The following GATAD1 variants were observed in gnomAD, a reference collection of about 807,000 sequenced individuals.
GATAD1 encodes the protein GATA zinc finger domain-containing protein 1.
In GATAD1, 12 loss-of-function variants were observed where a neutral mutation model predicts 26.5. The observed-to-expected ratio is 0.45, with a 90% confidence interval of 0.29 to 0.73. The LOEUF is 0.73. Among genes scored for constraint, GATAD1 ranks in the 30% least tolerant of loss-of-function variants. GATAD1 has a pLI of 0.10. For synonymous variants in GATAD1, 129 were observed against 133.1 expected (o/e 0.97, Z 0.21); for missense variants, 266 against 342.1 (o/e 0.78, Z 1.75).
chr7:92,474,456 C>G, the GATAD1 span: 1 of 152,234 alleles, frequency 6.6e-6, no homozygotes, highest in Admixed American at 6.5e-5. Flanking sequence ...TCATAGACTT[C>G]TTCCTAGTTT....
chr7:92,486,506 C>T, the GATAD1 span, among the ~76,000 whole-genome samples: 29 of 152,268 alleles, frequency 1.9e-4, no homozygotes, highest in Admixed American at 5.9e-4. Context: ...TGCAGGGTGA[C>T]GTGTCTCAGT....
At chr7:92,460,590 G>T (rs181131040), downstream of GATAD1, among the ~76,000 whole-genome samples, 2 of 152,204 alleles carry the variant, frequency 1.3e-5, no homozygotes, top group East Asian at 3.9e-4. Context: ...GCAGAATGTA[G>T]AACTGTATGA....
the GATAD1 span, among the ~76,000 whole-genome samples, chr7:92,476,434 G>A: frequency 1.1e-4 from 16 of 152,104 alleles, no homozygotes; most frequent in African/African-American, 3.1e-4. Flanking sequence ...CAGTGCTTTC[G>A]GCCTATGCTC....
rs1789821054 is a variant in GATAD1, at chr7:92,459,202, G to A, written c.*2640G>A. The A allele has an allele frequency of 7.4e-6, 1 of 135,952 alleles. No homozygotes were observed. The highest frequency in any genetic ancestry group is 3.0e-5 in the African/African-American group (1 of 32,926). 8.4% of individuals were successfully genotyped at this position (135,952 alleles called of 1,614,324 possible). A position where few individuals can be genotyped will look rare whatever the true frequency, so the allele number is the denominator to read the frequency against. On this transcript the variant is annotated 3_prime_UTR_variant, in exon 5 of 5. Coordinates refer to ENST00000287957, the MANE Select transcript of GATAD1 (RefSeq NM_021167.5). ...GATCGCGCCACTGCACTCCAGTCTG[G>A]GTGACGGCATGACTCCATCTCCAAA...
At chr7:92,449,740 G>T (rs1789340875) in intron 2 of GATAD1, 2 of 347,704 alleles carry the variant, frequency 5.8e-6, no homozygotes, top group South Asian at 2.3e-4. Context: ...GGATACATGT[G>T]CAGAATGTGC....
Position 92,459,460 on chromosome 7 carries a change from C to T in GATAD1, c.*2898C>T, listed in dbSNP as rs1789834541. The T allele has an allele frequency of 6.6e-6, 1 of 151,968 alleles. No homozygotes were observed. Among genetic ancestry groups the T allele is most frequent in the Non-Finnish European group, 1.5e-5 (1 of 67,956 alleles). The allele number at this position is 151,968 out of a possible 1,614,324, so 9.4% of individuals were successfully genotyped here. A position where few individuals can be genotyped will look rare whatever the true frequency, so the allele number is the denominator to read the frequency against. The stretch of plus-strand genomic sequence containing the variant: ...ATGGTTCCCATTGCTTATATTTCTC[C>T]TGCTGAGGCCGGACCTGATATGGCC... On this transcript the variant is annotated 3_prime_UTR_variant, in exon 5 of 5. Transcript: ENST00000287957.
the GATAD1 span, chr7:92,472,295 A>T: frequency 6.6e-6 from 1 of 152,214 alleles, no homozygotes; most frequent in Non-Finnish European, 1.5e-5. Flanking sequence ...TGAGTATGCC[A>T]TTCACATCAT....
At chr7:92,489,224 A>C in the GATAD1 span, 1 of 1,319,164 alleles carries the variant, frequency 7.6e-7, no homozygotes, top group South Asian at 1.2e-5. Context: ...ACGAACTTTA[A>C]AGGTTTAAGT....
chr7:92,456,342 T>C (rs1244252392), intron 4 of GATAD1, 30 bp from the exon 5 acceptor site: 1 of 1,453,806 alleles, frequency 6.9e-7, no homozygotes, highest in African/African-American at 1.4e-5. Context: ...GTCAAAAATG[T>C]ATTTAACCTT....
chr7:92,468,879 G>A, the GATAD1 span: 1 of 764,364 alleles, frequency 1.3e-6, no homozygotes. Flanking sequence ...GCCGGTCCAG[G>A]GGTCTGCGGT....
At chr7:92,491,754 C>T in the GATAD1 span, 1 of 461,314 alleles carries the variant, frequency 2.2e-6, no homozygotes, top group Non-Finnish European at 3.9e-6. Flanking sequence ...AGCTAAGACT[C>T]AGACCTCTGG....
rs904534142 is a variant in GATAD1 at position 92,447,661 on chromosome 7, G to C, written c.-69G>C. 1 of 1,339,316 alleles carries C rather than the reference G, an allele frequency of 7.5e-7. No homozygotes were observed. The highest frequency in any genetic ancestry group is 1.5e-5 in the African/African-American group (1 of 64,568). The allele number at this position is 1,339,316 out of a possible 1,614,324, so 83.0% of individuals were successfully genotyped here. On this transcript the variant is annotated 5_prime_UTR_variant, in exon 1 of 5. Coordinates refer to ENST00000287957, the MANE Select transcript of GATAD1 (RefSeq NM_021167.5). Reference sequence around the variant, plus strand: ...TCGCCGGGAGTGGCGGGCCGACCAGGGGGCGGCCGGGCTACCGTCCGCCAT... The same window carrying C: ...TCGCCGGGAGTGGCGGGCCGACCAGCGGGCGGCCGGGCTACCGTCCGCCAT...
chr7:92,479,870 G>A, the GATAD1 span, among the ~76,000 whole-genome samples: 5 of 152,152 alleles, frequency 3.3e-5, no homozygotes, highest in East Asian at 1.9e-4. Context: ...AAAACTAAAC[G>A]GAAGACACAA....
the GATAD1 span, chr7:92,487,223 A>G: frequency 3.4e-5 from 10 of 293,414 alleles, no homozygotes; most frequent in Admixed American, 2.0e-4. Context: ...TAAAGACTGA[A>G]TTTAGATTTT....
At chr7:92,490,309 G>T in the GATAD1 span, 1 of 224,416 alleles carries the variant, frequency 4.5e-6, no homozygotes, top group Non-Finnish European at 8.9e-6. Context: ...TACTGTTCTT[G>T]GGAATAAAAA....
chr7:92,481,325 G>T, the GATAD1 span, among the ~76,000 whole-genome samples: 1 of 152,170 alleles, frequency 6.6e-6, no homozygotes, highest in African/African-American at 2.4e-5. Flanking sequence ...AATTGTGGGA[G>T]ACTCAACAAA....
the GATAD1 span, chr7:92,487,173 G>T: frequency 9.6e-6 from 2 of 207,274 alleles, no homozygotes; most frequent in Non-Finnish European, 9.5e-6. Flanking sequence ...TTCCTCAAAA[G>T]AAATAAATTA....
At chr7:92,489,197 ATATTTT>A in the GATAD1 span, 3 of 1,142,194 alleles carry the variant, frequency 2.6e-6, no homozygotes, top group South Asian at 1.3e-5. Flanking sequence ...AATATTCAAA[ATATTTT>A]TATTTTAAAC....
the GATAD1 span, among the ~76,000 whole-genome samples, chr7:92,478,475 GA>G: frequency 6.6e-6 from 1 of 152,156 alleles, no homozygotes; most frequent in African/African-American, 2.4e-5. Context: ...TATAAGTGGG[GA>G]TAAGTGGCTC....
Sources: gnomAD v4.1 joint callset for allele counts (sites outside exome capture counted in the v4.1 genomes callset) on GRCh38, gnomAD v4.1.1 for gene constraint, MANE v1.5 for transcripts, NCBI Gene and HGNC (gene_info 2026-07-23, HGNC 2026-07-21) for gene names.